CDH12: variants seen among roughly 807,000 people sequenced by gnomAD.
The protein encoded by CDH12 is cadherin 12, also known as cadherin-12.
CDH12 carries 41 observed loss-of-function variants against 74.1 expected under a neutral mutation model. The observed-to-expected ratio is 0.55, with a 90% CI of 0.43 to 0.72. CDH12 has a LOEUF of 0.72. CDH12 is among the 30% of genes least tolerant of loss of function. CDH12 has a pLI of 0.00. For synonymous variants in CDH12, 399 were observed against 355.0 expected (o/e 1.12, Z -1.39); for missense variants, 945 against 977.2 (o/e 0.97, Z 0.44).
At chr5:22,054,889 T>C (rs926381444) in intron 5 of CDH12, among the ~76,000 whole-genome samples, 1 of 152,168 alleles carries the variant, frequency 6.6e-6, no homozygotes, top group Non-Finnish European at 1.5e-5. Context: ...AATGGGCATA[T>C]CCTGGGCAAA....
intron 3 of CDH12, among the ~76,000 whole-genome samples, chr5:22,265,073 CA>C (rs770076970): frequency 2.0e-5 from 3 of 152,124 alleles, no homozygotes; most frequent in Non-Finnish European, 4.4e-5. Context: ...AAACAGCCAC[CA>C]GATTTCAAGG....
Position 22,768,779 on chromosome 5 carries a change from T to A in CDH12, c.-523+84279A>T, listed in dbSNP as rs563219828. Among the ~76,000 whole-genome samples, 6 of 152,276 alleles carry A rather than the reference T, an allele frequency of 3.9e-5. No individual in the cohort carries two copies. In the South Asian group the frequency reaches 1.2e-3, roughly 32 times the overall value. On this transcript the variant is annotated intron_variant, in intron 1 of 14. Coordinates refer to ENST00000382254, the MANE Select transcript of CDH12 (RefSeq NM_004061.5). Reference sequence around the variant, plus strand: ...TTGCACCTCATTTTAAAAAATTATCTAGGTATAAACTAAAGAAGATAAACT... The same window carrying A: ...TTGCACCTCATTTTAAAAAATTATCAAGGTATAAACTAAAGAAGATAAACT...
At chr5:22,467,036 C>T (rs1001966068) in intron 2 of CDH12, among the ~76,000 whole-genome samples, 2 of 151,864 alleles carry the variant, frequency 1.3e-5, no homozygotes, top group Admixed American at 6.6e-5. Context: ...CCGCCCACCT[C>T]GGCCTCTCAA....
chr5:21,934,821 C>T (rs751349451), intron 6 of CDH12, among the ~76,000 whole-genome samples: 1 of 152,018 alleles, frequency 6.6e-6, no homozygotes, highest in African/African-American at 2.4e-5. Flanking sequence ...GAGTATCCCT[C>T]TGTCACCCAG....
chr5:21,774,402 G>A (rs2149887397), intron 11 of CDH12: 1 of 152,232 alleles, frequency 6.6e-6, no homozygotes, highest in African/African-American at 2.4e-5. Context: ...GCCACAGGCT[G>A]AAGGTTGCAC....
In CDH12 at chr5:21,928,604, T is replaced by A. The variant is rs1282601999; in HGVS notation, c.526+46487A>T. Among the ~76,000 whole-genome samples the A allele has an allele frequency of 3.9e-5, 6 of 152,360 alleles. No individual in the cohort carries two copies. In the East Asian group the frequency reaches 1.2e-3, roughly 29 times the overall value. On this transcript the variant is annotated intron_variant, in intron 6 of 14. Coordinates refer to ENST00000382254, the MANE Select transcript of CDH12 (RefSeq NM_004061.5). ...TGAGGATTAGAGTTTATCAGCCATT[T>A]GTGTCACTGTTTTTTTAAGTATGCT...
chr5:21,992,112 G>C (rs565497775), intron 5 of CDH12, among the ~76,000 whole-genome samples: 1 of 151,988 alleles, frequency 6.6e-6, no homozygotes, highest in South Asian at 2.1e-4. Context: ...AACACATTAA[G>C]AAAGGAATCA....
chr5:22,653,067 C>T (rs530773177), intron 1 of CDH12, among the ~76,000 whole-genome samples: 1 of 152,178 alleles, frequency 6.6e-6, no homozygotes, highest in South Asian at 2.1e-4. Flanking sequence ...TCAAAGATAC[C>T]AGAAAGAGTG....
chr5:22,342,332 A>G (rs1739889033), intron 3 of CDH12, among the ~76,000 whole-genome samples: 1 of 152,204 alleles, frequency 6.6e-6, no homozygotes, highest in South Asian at 2.1e-4. Flanking sequence ...ACAGCTGTAT[A>G]ACTCTCAGAA....
chr5:22,625,531 T>C (rs755544235), intron 1 of CDH12, among the ~76,000 whole-genome samples: 76 of 152,228 alleles, frequency 5.0e-4, no homozygotes, highest in Non-Finnish European at 1.0e-3. Flanking sequence ...GGAAGGGTTG[T>C]AGTGGAGTAT....
intron 1 of CDH12, among the ~76,000 whole-genome samples, chr5:22,537,509 T>C (rs1279655153): frequency 2.6e-5 from 4 of 151,998 alleles, no homozygotes; most frequent in Non-Finnish European, 5.9e-5. Context: ...TGGCCATAAA[T>C]CACAAATAAC....
intron 1 of CDH12, among the ~76,000 whole-genome samples, chr5:22,605,232 T>A (rs934889033): frequency 3.9e-5 from 6 of 152,206 alleles, no homozygotes; most frequent in African/African-American, 1.4e-4. Flanking sequence ...GGAGCCTGCC[T>A]GTCCACACTG....
At chr5:22,155,094 C>A (rs2150314349) in intron 4 of CDH12, among the ~76,000 whole-genome samples, 1 of 152,240 alleles carries the variant, frequency 6.6e-6, no homozygotes, top group Non-Finnish European at 1.5e-5. Flanking sequence ...TAAAGAACTG[C>A]CCTCATATTG....
intron 1 of CDH12, among the ~76,000 whole-genome samples, chr5:22,601,846 G>C (rs1736867992): frequency 6.6e-6 from 1 of 151,978 alleles, no homozygotes; most frequent in East Asian, 1.9e-4. Flanking sequence ...TTTCACCTTT[G>C]AAAGGAAGAA....
At chr5:21,931,114 G>A (rs1028525120) in intron 6 of CDH12, among the ~76,000 whole-genome samples, 2 of 152,066 alleles carry the variant, frequency 1.3e-5, no homozygotes, top group African/African-American at 4.8e-5. Flanking sequence ...AAGTCCAAGT[G>A]GTCCATTAAA....
At chr5:22,848,411 C>G (rs976022184) in intron 1 of CDH12, among the ~76,000 whole-genome samples, 2 of 152,174 alleles carry the variant, frequency 1.3e-5, no homozygotes, top group African/African-American at 4.8e-5. Flanking sequence ...TTCCTTCAAA[C>G]AGTGTAACCA....
chr5:22,235,778 A>G (rs1752539111), intron 3 of CDH12, among the ~76,000 whole-genome samples: 1 of 152,194 alleles, frequency 6.6e-6, no homozygotes. Context: ...GGAAAAGTTC[A>G]TACAGTCCTG....
intron 11 of CDH12, among the ~76,000 whole-genome samples, chr5:21,765,585 A>G (rs1467334748): frequency 6.6e-6 from 1 of 152,026 alleles, no homozygotes. Context: ...ATAAATGAAA[A>G]GTATTAAAAT....
In CDH12 at chr5:22,537,196, A is replaced by T. The variant is rs1737887461; in HGVS notation, c.-522-31832T>A. Among the ~76,000 whole-genome samples, 5 of 152,346 alleles carry T rather than the reference A, an allele frequency of 3.3e-5. No homozygotes were observed. In the Middle Eastern group the frequency reaches 0.017, roughly 518 times the overall value. On this transcript the variant is annotated intron_variant, in intron 1 of 14. Transcript: ENST00000382254. ...GTAACAAGATTACATATCAGTAAAG[A>T]AATGTTCTTTATATCCAACCATCAA...
Sources: allele counts gnomAD v4.1 joint callset (sites outside exome capture counted in the v4.1 genomes callset), GRCh38; gene constraint gnomAD v4.1.1; transcripts MANE v1.5; gene names NCBI Gene and HGNC (gene_info 2026-07-23, HGNC 2026-07-21).